RIMS4: variants seen among roughly 807,000 people sequenced by gnomAD.
RIMS4 encodes regulating synaptic membrane exocytosis 4, also known as regulating synaptic membrane exocytosis protein 4.
RIMS4 carries 9 observed loss-of-function variants against 29.0 expected under a neutral mutation model. The observed-to-expected ratio is 0.31, with a 90% CI of 0.19 to 0.54. The LOEUF is 0.54. Ranked by LOEUF, RIMS4 falls within the 20% of genes least tolerant of loss-of-function variation. The probability of loss-of-function intolerance (pLI) is 0.94; values close to 1 mark genes in which losing one functional copy is unlikely to be tolerated. For missense variants in RIMS4, 193 were observed against 365.7 expected (o/e 0.53, Z 3.85); for synonymous variants, 130 against 152.9 (o/e 0.85, Z 1.10).
At chr20:44,793,778 T>C (rs1259838241) in intron 1 of RIMS4, among the ~76,000 whole-genome samples, 1 of 151,710 alleles carries the variant, frequency 6.6e-6, no homozygotes, top group African/African-American at 2.4e-5. Flanking sequence ...GGTCTAAAGG[T>C]AGAAATGAAG....
intron 2 of RIMS4, among the ~76,000 whole-genome samples, chr20:44,758,666 C>G (rs2145443242): frequency 6.6e-6 from 1 of 152,360 alleles, no homozygotes; most frequent in South Asian, 2.1e-4. Flanking sequence ...GCTCCTGAGA[C>G]TGGGCCTCCA....
At chr20:44,788,239 T>A (rs940835193) in intron 1 of RIMS4, among the ~76,000 whole-genome samples, 6 of 151,774 alleles carry the variant, frequency 4.0e-5, no homozygotes, top group South Asian at 2.1e-4. Context: ...ACTTAAACTT[T>A]AAAAAAAAAT....
At chr20:44,800,203 A>G in intron 1 of RIMS4, among the ~76,000 whole-genome samples, 1 of 152,160 alleles carries the variant, frequency 6.6e-6, no homozygotes, top group Non-Finnish European at 1.5e-5. Flanking sequence ...ATAAGTGCTT[A>G]ATAAGAATTT....
At chr20:44,794,896 G>A (rs1034292334) in intron 1 of RIMS4, among the ~76,000 whole-genome samples, 5 of 152,118 alleles carry the variant, frequency 3.3e-5, no homozygotes, top group East Asian at 1.9e-4. Context: ...CCTTGCCTGC[G>A]GCCAGAGAGG....
rs1313943857 is a variant in RIMS4 at position 44,805,962 on chromosome 20, G to A, written c.97+4213C>T. 2.6e-5 allele frequency among the ~76,000 whole-genome samples: 4 copies of A among 152,322 alleles called. No individual in the cohort carries two copies. In the East Asian group the frequency reaches 5.8e-4, roughly 22 times the overall value. On this transcript the variant is annotated intron_variant, in intron 1 of 5. Coordinates refer to ENST00000372851, the MANE Select transcript of RIMS4 (RefSeq NM_182970.4). ...CAAAAATGGGGAGCGGGGCGCTGTGGTACTAGTTTTTGGATCCCATCCACT... is the reference window on the plus strand; with the variant it reads ...CAAAAATGGGGAGCGGGGCGCTGTGATACTAGTTTTTGGATCCCATCCACT...
intron 2 of RIMS4, among the ~76,000 whole-genome samples, chr20:44,765,238 C>T (rs528276705): frequency 1.3e-5 from 2 of 152,192 alleles, no homozygotes; most frequent in Admixed American, 6.5e-5. Context: ...CTCTATTTGC[C>T]CTGAGGGGAC....
At chr20:44,787,696 G>GGAAA (rs1491340766) in intron 1 of RIMS4, among the ~76,000 whole-genome samples, 2 of 135,620 alleles carry the variant, frequency 1.5e-5, no homozygotes, top group Admixed American at 1.5e-4. Context: ...GTTTTCTCCA[G>GGAAA]GAAAAAAAAA....
intron 1 of RIMS4, among the ~76,000 whole-genome samples, chr20:44,783,428 C>T (rs2066193532): frequency 6.6e-6 from 1 of 152,058 alleles, no homozygotes. Flanking sequence ...TTTGAGATCA[C>T]CCTGACCAAT....
At chr20:44,785,750 C>CTTTTTT (rs969567189) in intron 1 of RIMS4, among the ~76,000 whole-genome samples, 1 of 122,958 alleles carries the variant, frequency 8.1e-6, no homozygotes, top group Admixed American at 8.1e-5. Flanking sequence ...CATAGGTTTT[C>CTTTTTT]TTTTTTTTTT....
At chr20:44,806,442 C>T (rs891967139) in intron 1 of RIMS4, among the ~76,000 whole-genome samples, 1 of 152,214 alleles carries the variant, frequency 6.6e-6, no homozygotes, top group African/African-American at 2.4e-5. Context: ...ACCCTCTTGA[C>T]TGGCAGGCGA....
chr20:44,785,367 A>G (rs2066203592), intron 1 of RIMS4, among the ~76,000 whole-genome samples: 1 of 151,970 alleles, frequency 6.6e-6, no homozygotes, highest in Non-Finnish European at 1.5e-5. Context: ...CACACCACCA[A>G]GCCTGGATAA....
chr20:44,758,150 C>T lies in RIMS4; in HGVS notation c.271G>A (p.Ala91Thr), dbSNP rs901042513. ...CTTCCCAGGAAGTCACTGAACTGGG[C>T]GTCCGACGCCAGGCAAACTCCTCCA... Reference protein sequence around the residue: ...NYGGVCLASDAQFSDFLGSMG... With the variant: ...NYGGVCLASDTQFSDFLGSMG... The change falls in exon 3 of 6, where the codon GCC becomes ACC. Residue 91 changes from alanine (A) to threonine (T), a missense_variant. Physicochemically the swap from Ala to Thr is moderately conservative, Grantham distance 58 (BLOSUM62 0). Coordinates refer to ENST00000372851, the MANE Select transcript of RIMS4 (RefSeq NM_182970.4). 14 of 1,613,404 alleles carry T rather than the reference C, an allele frequency of 8.7e-6. No individual in the cohort carries two copies. The highest frequency in any genetic ancestry group is 4.0e-5 in the African/African-American group (3 of 74,922).
At chr20:44,778,328 T>C (rs2066169379) in intron 1 of RIMS4, among the ~76,000 whole-genome samples, 1 of 152,190 alleles carries the variant, frequency 6.6e-6, no homozygotes, top group South Asian at 2.1e-4. Context: ...ATGCCTTTAT[T>C]GTACAGAGGG....
intron 2 of RIMS4, among the ~76,000 whole-genome samples, chr20:44,769,278 G>A (rs1341728208): frequency 7.9e-5 from 12 of 152,166 alleles, no homozygotes; most frequent in Non-Finnish European, 2.9e-5. Context: ...TTGGTCATGT[G>A]GCCTTTCTGA....
At chr20:44,801,806 A>T (rs2066278497) in intron 1 of RIMS4, among the ~76,000 whole-genome samples, 1 of 152,142 alleles carries the variant, frequency 6.6e-6, no homozygotes, top group Admixed American at 6.5e-5. Flanking sequence ...TGACAGAAAC[A>T]AGAGGGCCTG....
intron 1 of RIMS4, among the ~76,000 whole-genome samples, chr20:44,791,567 G>A (rs1451968983): frequency 6.6e-6 from 1 of 152,158 alleles, no homozygotes; most frequent in African/African-American, 2.4e-5. Flanking sequence ...TTTGTAACTC[G>A]TGAAAGCATG....
At chr20:44,810,135 G>T in intron 1 of RIMS4, 40 bp downstream of exon 1, 3 of 1,361,686 alleles carry the variant, frequency 2.2e-6, no homozygotes, top group Non-Finnish European at 3.1e-6. Context: ...CCTGGATCCC[G>T]GGACACCCCG....
In RIMS4 at chr20:44,756,398, C is replaced by G; in HGVS notation, c.592-46G>C. 1 of 1,550,158 alleles carries G rather than the reference C, an allele frequency of 6.5e-7. No individual in the cohort carries two copies. The highest frequency in any genetic ancestry group is 8.8e-7 in the Non-Finnish European group (1 of 1,132,344). On this transcript the variant is annotated intron_variant, in intron 5 of 5. Coordinates refer to ENST00000372851, the MANE Select transcript of RIMS4 (RefSeq NM_182970.4). This position sits in a 1 kb window ranked among gnomAD's most constrained non-coding sequence, Gnocchi z 5.9. ...TGGTTCAAATCCTGCCAGTGCCACT[C>G]ACAGGCCCAGAAGCAGAACCTGGGT...
intron 1 of RIMS4, among the ~76,000 whole-genome samples, chr20:44,779,408 T>C (rs1023375442): frequency 1.3e-5 from 2 of 152,228 alleles, no homozygotes; most frequent in African/African-American, 4.8e-5. Context: ...TTCCAGTTAC[T>C]TTCCACCAAA....
Sources: allele counts gnomAD v4.1 joint callset (sites outside exome capture counted in the v4.1 genomes callset), GRCh38; gene constraint gnomAD v4.1.1; non-coding constraint Gnocchi (gnomAD v3.1); transcripts MANE v1.5; gene names NCBI Gene and HGNC (gene_info 2026-07-23, HGNC 2026-07-21).